The following CLVS1 variants were observed in gnomAD, a reference collection of about 807,000 sequenced individuals.
The protein encoded by CLVS1 is clavesin-1.
A neutral mutation model predicts 33.1 loss-of-function variants in CLVS1; 10 were observed. The observed-to-expected ratio is 0.30, with a 90% CI of 0.19 to 0.51. CLVS1 has a LOEUF of 0.51. Among genes scored for constraint, CLVS1 ranks in the 20% least tolerant of loss-of-function variants. CLVS1 has a pLI of 0.97. For missense variants in CLVS1, 343 were observed against 433.4 expected (o/e 0.79, Z 1.85); for synonymous variants, 163 against 166.1 (o/e 0.98, Z 0.14).
chr8:60,992,279 T>C, the CLVS1 span, among the ~76,000 whole-genome samples: 1 of 152,250 alleles, frequency 6.6e-6, no homozygotes, highest in Non-Finnish European at 1.5e-5. Flanking sequence ...CTCGTTTTTT[T>C]TCCTGTGTTC....
chr8:61,302,328 GTCTC>G (rs1159478784), intron 2 of CLVS1, among the ~76,000 whole-genome samples: 1 of 152,164 alleles, frequency 6.6e-6, no homozygotes, highest in African/African-American at 2.4e-5. Context: ...TTAATGATGA[GTCTC>G]TCACTACATT....
chr8:61,033,163 A>AAAG, the CLVS1 span, among the ~76,000 whole-genome samples: 1 of 120,616 alleles, frequency 8.3e-6, no homozygotes, highest in Non-Finnish European at 1.8e-5. Context: ...AAGAAAGAAA[A>AAAG]AGAAAGAAAG....
intron 2 of CLVS1, among the ~76,000 whole-genome samples, chr8:61,253,600 CT>C (rs1315018995): frequency 6.6e-6 from 1 of 152,202 alleles, no homozygotes; most frequent in African/African-American, 2.4e-5. Context: ...TACCATATTT[CT>C]TGGAGGCTTT....
intron 2 of CLVS1, among the ~76,000 whole-genome samples, chr8:61,265,497 A>C (rs1809286417): frequency 6.6e-6 from 1 of 152,210 alleles, no homozygotes; most frequent in Admixed American, 6.5e-5. Flanking sequence ...AATGTAAAGC[A>C]CTCAATTTAG....
intron 1 of CLVS1, among the ~76,000 whole-genome samples, chr8:61,082,901 G>T (rs540338278): frequency 6.6e-6 from 1 of 152,036 alleles, no homozygotes; most frequent in Non-Finnish European, 1.5e-5. Flanking sequence ...GTCTGGCATG[G>T]TTGCACATGC....
intron 1 of CLVS1, among the ~76,000 whole-genome samples, chr8:61,064,561 A>G (rs977248007): frequency 3.6e-5 from 5 of 138,748 alleles, no homozygotes; most frequent in African/African-American, 1.4e-4. Context: ...TTTTTTTGAG[A>G]CAGAGATTCA....
chr8:61,458,563 GCC>G (rs33963114), intron 5 of CLVS1, 21 bp downstream of exon 5: 59,205 of 1,234,814 alleles, frequency 0.048, 7,516 homozygotes, highest in African/African-American at 0.45. Context: ...GGTTATCAGA[GCC>G]CCCCCCCCAG....
chr8:61,215,624 T>C (rs1040498742), intron 2 of CLVS1, among the ~76,000 whole-genome samples: 1 of 152,104 alleles, frequency 6.6e-6, no homozygotes, highest in Non-Finnish European at 1.5e-5. Context: ...TGAAGCCCCA[T>C]ATTTCCTCCT....
At chr8:61,379,196 C>T (rs1813767456) in intron 3 of CLVS1, among the ~76,000 whole-genome samples, 1 of 152,154 alleles carries the variant, frequency 6.6e-6, no homozygotes, top group African/African-American at 2.4e-5. Flanking sequence ...TCTCTGCCAT[C>T]CCGCCTTTTC....
At chr8:61,225,824 A>G (rs1808316596) in intron 2 of CLVS1, among the ~76,000 whole-genome samples, 1 of 152,178 alleles carries the variant, frequency 6.6e-6, no homozygotes, top group Non-Finnish European at 1.5e-5. Flanking sequence ...GAATTAATAG[A>G]ATTTGGGCTT....
In CLVS1 at chr8:61,071,149, G is replaced by A. The variant is rs144493192; in HGVS notation, c.-243+13919G>A. On this transcript the variant is annotated intron_variant, in intron 1 of 2. Coordinates refer to the CLVS1 transcript ENST00000522621. ...GAAAGTCCATTTATGAGGCCAACGC[G>A]TCTTTACCAGAGAAAAGTATGCAAC... is the stretch of plus-strand genomic sequence containing the variant. Among the ~76,000 whole-genome samples the A allele has an allele frequency of 3.6e-3, 556 of 152,336 alleles. 7 individuals are homozygous for A. Among genetic ancestry groups the A allele is most frequent in the Admixed American group, 0.019 (289 of 15,300 alleles).
At chr8:61,395,085 T>A (rs1814469274) in intron 3 of CLVS1, among the ~76,000 whole-genome samples, 1 of 152,134 alleles carries the variant, frequency 6.6e-6, no homozygotes, top group Admixed American at 6.5e-5. Flanking sequence ...AGGCCTCTTA[T>A]CAGAAATTTG....
At chr8:60,975,043 G>A in the CLVS1 span, among the ~76,000 whole-genome samples, 1 of 152,278 alleles carries the variant, frequency 6.6e-6, no homozygotes, top group Admixed American at 6.5e-5. Context: ...TCAGAGTGCT[G>A]AGAACCATGG....
intron 3 of CLVS1, among the ~76,000 whole-genome samples, chr8:61,387,539 T>G (rs1489209447): frequency 6.9e-6 from 1 of 145,800 alleles, no homozygotes; most frequent in Non-Finnish European, 1.5e-5. Flanking sequence ...CATGAATAAG[T>G]TCTTTAGTGG....
chr8:61,081,407 C>T (rs978056762), intron 1 of CLVS1, among the ~76,000 whole-genome samples: 1 of 152,160 alleles, frequency 6.6e-6, no homozygotes, highest in Non-Finnish European at 1.5e-5. Context: ...GCACATACCC[C>T]TATCCTGAGC....
At chr8:61,482,801 T>A (rs908858211) in intron 5 of CLVS1, among the ~76,000 whole-genome samples, 1 of 152,180 alleles carries the variant, frequency 6.6e-6, no homozygotes, top group Admixed American at 6.5e-5. Flanking sequence ...TCAAAGCCAC[T>A]CAATTACATG....
intron 2 of CLVS1, among the ~76,000 whole-genome samples, chr8:61,324,096 A>G (rs57878945): frequency 0.079 from 12,068 of 152,192 alleles, 1,210 homozygotes; most frequent in African/African-American, 0.23. Context: ...TAGTGCTGCA[A>G]TGAACATACA....
chr8:61,492,326 G>T (rs1312556432), intron 5 of CLVS1, among the ~76,000 whole-genome samples: 1 of 152,174 alleles, frequency 6.6e-6, no homozygotes, highest in Non-Finnish European at 1.5e-5. Context: ...AAATATTAAT[G>T]AGATAGTTTA....
At chr8:61,085,628 T>C (rs1805103191) in intron 1 of CLVS1, among the ~76,000 whole-genome samples, 1 of 151,416 alleles carries the variant, frequency 6.6e-6, no homozygotes, top group Non-Finnish European at 1.5e-5. Context: ...CGGTGGCTCA[T>C]GCCTGTAATC....
Sources: gnomAD v4.1 joint callset for allele counts (sites outside exome capture counted in the v4.1 genomes callset) on GRCh38, gnomAD v4.1.1 for gene constraint, MANE v1.5 for transcripts, NCBI Gene and HGNC (gene_info 2026-07-23, HGNC 2026-07-21) for gene names.